KIF15: variants seen among roughly 807,000 people sequenced by gnomAD.
The protein encoded by KIF15 is kinesin-like protein KIF15.
KIF15 carries 140 observed loss-of-function variants against 190.6 expected under a neutral mutation model. That is an observed-to-expected ratio of 0.73 (90% confidence interval 0.64 to 0.84). The LOEUF is 0.84. Ranked by LOEUF, KIF15 falls within the 40% of genes least tolerant of loss-of-function variation. The pLI is 0.00. For synonymous variants in KIF15, 528 were observed against 551.3 expected, an observed-to-expected ratio of 0.96 and a Z score of 0.59; for missense variants, 1,372 against 1,584.4, an observed-to-expected ratio of 0.87 and a Z score of 2.28.
At chr3:44,799,401 A>G in intron 10 of KIF15, 4 of 454,950 alleles carry the variant, frequency 8.8e-6, no homozygotes, top group Non-Finnish European at 1.8e-5. Flanking sequence ...GCGAGAATAC[A>G]GAAGACCTTG....
intron 26 of KIF15, among the ~76,000 whole-genome samples, chr3:44,836,772 A>T (rs1053499855): frequency 6.6e-6 from 1 of 152,222 alleles, no homozygotes; most frequent in Non-Finnish European, 1.5e-5. Flanking sequence ...AAGACTTTAA[A>T]TGAGTGCCAT....
chr3:44,865,534 C>T (rs115912228), intron 6 of KIF15: 59 of 248,286 alleles, frequency 2.4e-4, no homozygotes, highest in African/African-American at 1.2e-3. Context: ...AGTCATGTAA[C>T]TCTAGAAGCA....
At chr3:44,798,994 A>G (rs1012771734) in intron 10 of KIF15, among the ~76,000 whole-genome samples, 7 of 152,344 alleles carry the variant, frequency 4.6e-5, no homozygotes, top group Admixed American at 6.5e-5. Flanking sequence ...TGGGTAAATC[A>G]GAAGACTATA....
intron 30 of KIF15, among the ~76,000 whole-genome samples, chr3:44,844,283 A>T (rs1698745652): frequency 1.3e-5 from 2 of 152,198 alleles, no homozygotes; most frequent in Non-Finnish European, 2.9e-5. Flanking sequence ...TCTCTTCTTA[A>T]ATGATTCTCT....
intron 28 of KIF15, 116 bp downstream of exon 28, chr3:44,840,572 AC>A (rs1483574727): frequency 3.1e-6 from 2 of 636,940 alleles, no homozygotes; most frequent in African/African-American, 3.8e-5. Context: ...TTTCACTAAT[AC>A]CCTCTGTCTG....
intron 11 of KIF15, among the ~76,000 whole-genome samples, chr3:44,800,952 A>ACAGT (rs1334224508): frequency 3.9e-5 from 6 of 151,952 alleles, no homozygotes; most frequent in Non-Finnish European, 8.8e-5. Flanking sequence ...TCTTTGAAGA[A>ACAGT]CGACTAATAT....
chr3:44,843,013 G>C (rs1357582382), intron 29 of KIF15, 112 bp from the exon 30 acceptor site: 1 of 702,522 alleles, frequency 1.4e-6, no homozygotes, highest in African/African-American at 1.8e-5. Flanking sequence ...CCAGTGCAGT[G>C]TCTCTGCATA....
chr3:44,782,625 TTAAAA>T (rs1397618233), intron 5 of KIF15, among the ~76,000 whole-genome samples: 2 of 152,222 alleles, frequency 1.3e-5, no homozygotes, highest in African/African-American at 4.8e-5. Context: ...GTGCTATGAA[TTAAAA>T]TAAAGCAATG....
intron 15 of KIF15, among the ~76,000 whole-genome samples, 170 bp downstream of exon 15, chr3:44,805,338 A>G (rs1707448275): frequency 1.3e-5 from 2 of 152,222 alleles, no homozygotes; most frequent in Admixed American, 1.3e-4. Context: ...TTACTAATAT[A>G]TTCAATGAAC....
chr3:44,795,699 G>T (rs1706942937), intron 8 of KIF15, among the ~76,000 whole-genome samples: 1 of 147,246 alleles, frequency 6.8e-6, no homozygotes, highest in Admixed American at 6.8e-5. Context: ...TATATATATA[G>T]TAATACGAAT....
chr3:44,831,394 A>G (rs1426807283), intron 26 of KIF15, among the ~76,000 whole-genome samples: 1 of 152,216 alleles, frequency 6.6e-6, no homozygotes, highest in Non-Finnish European at 1.5e-5. Flanking sequence ...CAAAATTATT[A>G]TATTTTATCT....
At chr3:44,775,648 G>A (rs1349833333) in intron 3 of KIF15, among the ~76,000 whole-genome samples, 2 of 151,676 alleles carry the variant, frequency 1.3e-5, no homozygotes, top group Non-Finnish European at 1.5e-5. Flanking sequence ...TAGAGATGGG[G>A]TTTCACCATG....
chr3:44,778,979 C>CAA (rs60269306), intron 4 of KIF15, among the ~76,000 whole-genome samples: 42,844 of 78,212 alleles, frequency 0.55, 10,086 homozygotes, highest in East Asian at 0.76. Context: ...GACTCCGCCT[C>CAA]AAAAAAAAAA....
intron 26 of KIF15, among the ~76,000 whole-genome samples, chr3:44,833,194 A>G (rs1698154306): frequency 6.6e-6 from 1 of 152,000 alleles, no homozygotes; most frequent in Non-Finnish European, 1.5e-5. Flanking sequence ...AGATAACAGT[A>G]CTTCCTACTG....
intron 22 of KIF15, chr3:44,826,873 C>G (rs1433070649): frequency 2.9e-6 from 1 of 347,980 alleles, no homozygotes; most frequent in East Asian, 7.5e-5. Context: ...AGGTTCCTCT[C>G]CTTAGTAGTC....
intron 26 of KIF15, among the ~76,000 whole-genome samples, chr3:44,834,468 C>G (rs1698212623): frequency 6.6e-6 from 1 of 152,192 alleles, no homozygotes; most frequent in African/African-American, 2.4e-5. Context: ...ATAATATTTA[C>G]TATGTGCCAT....
intron 27 of KIF15, among the ~76,000 whole-genome samples, chr3:44,839,667 A>G (rs1219753029): frequency 6.6e-6 from 1 of 152,032 alleles, no homozygotes; most frequent in African/African-American, 2.4e-5. Context: ...AACATCTCCC[A>G]TTGCTGATTC....
intron 6 of KIF15, among the ~76,000 whole-genome samples, chr3:44,858,433 C>T (rs951685763): frequency 2.2e-4 from 33 of 151,982 alleles, no homozygotes; most frequent in African/African-American, 7.7e-4. Flanking sequence ...TGGCATTGAG[C>T]AGGGTAAGGG....
intron 7 of KIF15, among the ~76,000 whole-genome samples, chr3:44,792,547 A>T (rs1575599528): frequency 2.1e-5 from 3 of 143,442 alleles, no homozygotes; most frequent in Non-Finnish European, 3.1e-5. Flanking sequence ...ACAGCTACGA[A>T]TTTTTTTTTT....
Sources: gnomAD v4.1 joint callset for allele counts (sites outside exome capture counted in the v4.1 genomes callset) on GRCh38, gnomAD v4.1.1 for gene constraint, MANE v1.5 for transcripts, NCBI Gene and HGNC (gene_info 2026-07-23, HGNC 2026-07-21) for gene names.